RPGR: variants seen among roughly 807,000 people sequenced by gnomAD.
RPGR encodes retinitis pigmentosa GTPase regulator.
RPGR carries 10 observed loss-of-function variants against 56.3 expected under a neutral mutation model. The observed-to-expected ratio is 0.18, with a 90% CI of 0.11 to 0.30. The LOEUF (loss-of-function observed/expected upper bound fraction) is 0.30, where lower values mean the gene tolerates loss of function less well. Among genes scored for constraint, RPGR ranks in the 10% least tolerant of loss-of-function variants. RPGR has a pLI of 1.00. For missense variants in RPGR, 538 were observed against 590.9 expected (o/e 0.91, Z 0.93); for synonymous variants, 197 against 212.9 (o/e 0.93, Z 0.65).
Position 38,269,772 on chromosome X carries a change from G to T in RPGR, c.2302C>A (p.Pro768Thr), listed in dbSNP as rs34117835. 4.8e-3 allele frequency: 5,738 copies of T among 1,207,676 alleles called. 192 individuals carry two copies. In the African/African-American group the frequency reaches 0.088, roughly 19 times the overall value. Residue 768 changes from proline (P) to threonine (T), a missense_variant, in exon 19 of 19, where the codon CCG becomes ACG. Physicochemically the swap from Pro to Thr is conservative, Grantham distance 38 (BLOSUM62 -1). Around this residue, in one of 2 missense-constraint regions of RPGR, gnomAD observed 357 missense variants for 325.8 expected, o/e 1.10. Transcript: ENST00000642395. ...CCTATGGATTTTATCTCTGGGAGCGGCTCATTGTTATTCTTGACAATCTTT... is the reference window on the plus strand; with the variant it reads ...CCTATGGATTTTATCTCTGGGAGCGTCTCATTGTTATTCTTGACAATCTTT...
Position 38,327,440 on chromosome X carries a change from G to A in RPGR, c.-73C>T. The A allele has an allele frequency of 9.6e-7, 1 of 1,037,380 alleles. No individual in the cohort carries two copies. The highest frequency in any genetic ancestry group is 2.9e-5 in the Admixed American group (1 of 34,134). 85.5% of individuals were successfully genotyped at this position (1,037,380 alleles called of 1,213,427 possible). On this transcript the variant is annotated 5_prime_UTR_variant, in exon 1 of 19. Transcript: ENST00000642395. Reference sequence around the variant, plus strand: ...GGACGGTTTGGTCGGGGCTAAAGCAGCTACTCCGCACCGACGCGGGCCGCG... The same window carrying A: ...GGACGGTTTGGTCGGGGCTAAAGCAACTACTCCGCACCGACGCGGGCCGCG...
At chrX:38,273,545 G>T in intron 17 of RPGR, 1 of 852,422 alleles carries the variant, frequency 1.2e-6, no homozygotes, top group Non-Finnish European at 1.7e-6. Flanking sequence ...GATGCTCTCA[G>T]TGAAACTCTA....
chrX:38,279,707 ACTTTTGTCCGTGGGT>A (rs770525991), intron 15 of RPGR, among the ~76,000 whole-genome samples: 15,148 of 109,979 alleles, frequency 0.14, 886 homozygotes, highest in Middle Eastern at 0.17. Flanking sequence ...TGAGATAGGC[ACTTTTGTCCGTGGGT>A]ATTATAGTTT....
intron 18 of RPGR, among the ~76,000 whole-genome samples, chrX:38,272,935 TA>T (rs1244922538): frequency 9.0e-6 from 1 of 111,188 alleles, no homozygotes; most frequent in East Asian, 2.8e-4. Context: ...AAAAGTAGTA[TA>T]AAAAATACTA....
At position 38,276,872 on chromosome X, in the gene RPGR, C is replaced by T. The variant is rs966403599; in HGVS notation, c.1906-100G>A. 3.8e-5 allele frequency: 26 copies of T among 679,828 alleles called. No individual in the cohort carries two copies. The South Asian group carries it at 6.9e-4, about 18-fold the overall frequency. The allele number at this position is 679,828 out of a possible 1,213,427, so 56.0% of individuals were successfully genotyped here. Reference sequence around the variant, plus strand: ...AAATAATTTGTGTCATCTAAAAAAACCAGGAAAATATTAATTCAAATATTG... The same window carrying T: ...AAATAATTTGTGTCATCTAAAAAAATCAGGAAAATATTAATTCAAATATTG... On this transcript the variant is annotated intron_variant, in intron 15 of 18. Coordinates refer to ENST00000642395, the MANE Select transcript of RPGR (RefSeq NM_000328.3).
Position 38,291,253 on chromosome X carries a change from T to C in RPGR, c.1506+140A>G, listed in dbSNP as rs188058017. The C allele has an allele frequency of 4.3e-3, 1,805 of 422,239 alleles. 27 individuals are homozygous for C. The highest frequency in any genetic ancestry group is 0.04 in the African/African-American group (1,576 of 39,564). 34.8% of individuals were successfully genotyped at this position (422,239 alleles called of 1,213,427 possible). A position where few individuals can be genotyped will look rare whatever the true frequency, so the allele number is the denominator to read the frequency against. ...TTATTGTATGTGAATTATACCTCAA[T>C]ATAGTTGGTTAAAAAATAAAGTAAG... On this transcript the variant is annotated intron_variant, in intron 12 of 18. Transcript: ENST00000642395.
At chrX:38,293,781 T>C (rs910063256) in intron 11 of RPGR, among the ~76,000 whole-genome samples, 2 of 111,836 alleles carry the variant, frequency 1.8e-5, no homozygotes, top group South Asian at 7.4e-4. Flanking sequence ...ATGTAGGATG[T>C]GTTTTTCCTG....
chrX:38,284,788 T>C, intron 15 of RPGR: 1 of 725,757 alleles, frequency 1.4e-6, no homozygotes, highest in Non-Finnish European at 1.6e-6. Context: ...CACTCCATTT[T>C]AGAGATGAAG....
chrX:38,286,580 C>T, intron 15 of RPGR: 1 of 1,011,065 alleles, frequency 9.9e-7, no homozygotes, highest in Non-Finnish European at 1.3e-6. Flanking sequence ...TCCTCTTTTT[C>T]CTCCCCTCTC....
At position 38,301,444 on chromosome X, in the gene RPGR, T is replaced by C. The variant is rs993047881; in HGVS notation, c.935-73A>G. 1.2e-4 allele frequency: 111 copies of C among 927,705 alleles called. 5 individuals carry two copies. Among genetic ancestry groups the C allele is most frequent in the Admixed American group, 7.6e-4 (33 of 43,532 alleles). The allele number at this position is 927,705 out of a possible 1,213,427, so 76.5% of individuals were successfully genotyped here. A position where few individuals can be genotyped will look rare whatever the true frequency, so the allele number is the denominator to read the frequency against. The stretch of plus-strand genomic sequence containing the variant: ...GGATCTATTTGTAAACAGATAAACA[T>C]GTTAACTCATACTGCAATTATAATT... On this transcript the variant is annotated intron_variant, in intron 8 of 18. Transcript: ENST00000642395.
At chrX:38,288,618 T>C (rs1373257500) in intron 13 of RPGR, among the ~76,000 whole-genome samples, 1 of 110,777 alleles carries the variant, frequency 9.0e-6, no homozygotes, top group African/African-American at 3.3e-5. Context: ...GGCAGGAGAA[T>C]TGCTTGAACC....
rs371230592 is a variant in RPGR at position 38,286,365 on chromosome X, C to T, written c.1905+729G>A. The T allele has an allele frequency of 1.5e-4, 113 of 756,476 alleles. 2 individuals carry two copies. The African/African-American group carries it at 4.4e-3, about 29-fold the overall frequency. 62.3% of individuals were successfully genotyped at this position (756,476 alleles called of 1,213,427 possible). A position where few individuals can be genotyped will look rare whatever the true frequency, so the allele number is the denominator to read the frequency against. On this transcript the variant is annotated intron_variant, in intron 15 of 18. Coordinates refer to ENST00000642395, the MANE Select transcript of RPGR (RefSeq NM_000328.3). ...CCTCCCCTTCTCCTTCCTCCTCTTCCCCCTCCCCTTCTCCTTCCTCCCCTT... is the reference window on the plus strand; with the variant it reads ...CCTCCCCTTCTCCTTCCTCCTCTTCTCCCTCCCCTTCTCCTTCCTCCCCTT...
At chrX:38,310,537 A>AT (rs1242742458) in intron 7 of RPGR, 78 bp downstream of exon 7, 140 of 999,078 alleles carry the variant, frequency 1.4e-4, no homozygotes, top group Non-Finnish European at 1.8e-4. Flanking sequence ...AAAAATGAAC[A>AT]TAAAAAAAAT....
chrX:38,285,731 T>C, intron 15 of RPGR: 4 of 1,211,492 alleles, frequency 3.3e-6, no homozygotes, highest in Non-Finnish European at 4.5e-6. Context: ...CCTTTTATTT[T>C]GCTCACTTTT....
rs1601915326 is a variant in RPGR, at chrX:38,284,486, C to A, written c.1905+2608G>T. The A allele has an allele frequency of 6.7e-6, 5 of 746,655 alleles. No individual in the cohort carries two copies. The African/African-American group carries it at 7.0e-5, about 10-fold the overall frequency. The allele number at this position is 746,655 out of a possible 1,213,427, so 61.5% of individuals were successfully genotyped here. ...GAAATTACAGAACAGTCAGTGAATA[C>A]ATTGAGGGCATATAACACATACCAG... On this transcript the variant is annotated intron_variant, in intron 15 of 18. Transcript: ENST00000642395.
At chrX:38,310,812 A>C in intron 6 of RPGR, 39 bp from the exon 7 acceptor site, 13 of 1,180,499 alleles carry the variant, frequency 1.1e-5, no homozygotes, top group Non-Finnish European at 1.5e-5. Context: ...GATGACATAC[A>C]TATGAACAAA....
At chrX:38,285,917 C>T (rs1296728483) in intron 15 of RPGR, 2 of 1,120,520 alleles carry the variant, frequency 1.8e-6, no homozygotes, top group Non-Finnish European at 2.4e-6. Flanking sequence ...TCTCCTTCCT[C>T]CCCTTCCACC....
chrX:38,288,748 G>A (rs1406350531), intron 13 of RPGR, among the ~76,000 whole-genome samples: 1 of 111,630 alleles, frequency 9.0e-6, no homozygotes, highest in Non-Finnish European at 1.9e-5. Context: ...GTACAGCTTA[G>A]TATATTTTTC....
chrX:38,273,173 G>T (rs994532788), intron 18 of RPGR, among the ~76,000 whole-genome samples: 4 of 111,498 alleles, frequency 3.6e-5, no homozygotes, highest in African/African-American at 1.3e-4. Flanking sequence ...TAAAACATAA[G>T]CTAAAGTAAA....
Sources: gnomAD v4.1 joint callset for allele counts (sites outside exome capture counted in the v4.1 genomes callset) on GRCh38, gnomAD v4.1.1 for gene constraint, gnomAD v4.1.1 regional missense constraint, MANE v1.5 for transcripts, NCBI Gene and HGNC (gene_info 2026-07-23, HGNC 2026-07-21) for gene names.